Variants in PKP4 observed in about 807,000 individuals in gnomAD.
PKP4 encodes plakophilin 4.
PKP4 carries 90 observed loss-of-function variants against 145.1 expected under a neutral mutation model. The ratio of observed to expected loss-of-function variants is 0.62; its 90% CI spans 0.52 to 0.74. The LOEUF (loss-of-function observed/expected upper bound fraction) is 0.74, where lower values mean the gene tolerates loss of function less well. Ranked by LOEUF, PKP4 falls within the 30% of genes least tolerant of loss-of-function variation. The pLI, the probability that PKP4 is intolerant of heterozygous loss-of-function variation, is 0.00. For missense variants in PKP4, 1,340 were observed against 1,482.7 expected (o/e 0.90, Z 1.58); for synonymous variants, 563 against 577.2 (o/e 0.98, Z 0.35).
intron 20 of PKP4, among the ~76,000 whole-genome samples, chr2:158,677,705 CTGT>C (rs2058128276): frequency 6.6e-6 from 1 of 152,084 alleles, no homozygotes; most frequent in African/African-American, 2.4e-5. Context: ...TACTAATCGA[CTGT>C]TGTTACTATG....
Position 158,533,866 on chromosome 2 carries a change from A to G in PKP4, c.132+550A>G, listed in dbSNP as rs143885577. 4.1e-4 allele frequency among the ~76,000 whole-genome samples: 63 copies of G among 152,050 alleles called. No individual in the cohort carries two copies. The East Asian group carries it at 0.012, about 28-fold the overall frequency. ...ATGTTGATTTTTTTAAGGCATTAATACTCTTTATCCTTCAAACTCAAGTAA... is the reference window on the plus strand; with the variant it reads ...ATGTTGATTTTTTTAAGGCATTAATGCTCTTTATCCTTCAAACTCAAGTAA... On this transcript the variant is annotated intron_variant, in intron 2 of 21. Transcript: ENST00000389759.
intron 4 of PKP4, among the ~76,000 whole-genome samples, chr2:158,619,568 A>G (rs1006056462): frequency 2.0e-5 from 3 of 152,248 alleles, no homozygotes; most frequent in Non-Finnish European, 4.4e-5. Flanking sequence ...AAAGCAGCTT[A>G]ATCAGCAGTC....
chr2:158,655,197 T>C (rs1036972624), intron 11 of PKP4, among the ~76,000 whole-genome samples: 1 of 152,252 alleles, frequency 6.6e-6, no homozygotes, highest in Non-Finnish European at 1.5e-5. Flanking sequence ...ATGTTTATGC[T>C]ATGTCCAATC....
chr2:158,598,305 A>C (rs1398799793), intron 3 of PKP4, among the ~76,000 whole-genome samples: 1 of 152,136 alleles, frequency 6.6e-6, no homozygotes, highest in African/African-American at 2.4e-5. Context: ...TACCTGAAAG[A>C]AGGTGAGGGA....
At chr2:158,543,773 T>C (rs190496775) in intron 2 of PKP4, among the ~76,000 whole-genome samples, 66 of 152,236 alleles carry the variant, frequency 4.3e-4, no homozygotes, top group Admixed American at 2.7e-3. Flanking sequence ...CATTAAAAGG[T>C]CGTAACTCCC....
intron 1 of PKP4, among the ~76,000 whole-genome samples, chr2:158,522,714 A>T (rs1177951009): frequency 6.6e-6 from 1 of 152,198 alleles, no homozygotes; most frequent in African/African-American, 2.4e-5. Context: ...TTTCCATCTG[A>T]GGTACCGGGT....
At chr2:158,474,362 A>C (rs1251002906) in intron 1 of PKP4, among the ~76,000 whole-genome samples, 1 of 152,202 alleles carries the variant, frequency 6.6e-6, no homozygotes, top group Admixed American at 6.5e-5. Context: ...TATAATACCA[A>C]AGCTATTAGA....
intron 3 of PKP4, among the ~76,000 whole-genome samples, chr2:158,600,233 G>A (rs145574563): frequency 7.9e-5 from 12 of 152,288 alleles, no homozygotes; most frequent in East Asian, 7.7e-4. Context: ...AGTTATTAAC[G>A]TATTAAATTA....
rs867372029 is a variant in PKP4, at chr2:158,656,922, G to A, written c.1910-1209G>A. On this transcript the variant is annotated intron_variant, in intron 11 of 21. Transcript: ENST00000389759. ...GGTGTCCAGGCTGGCTTCTTGGGCCGTGACAGCTGGAGCAGCAGTGCTCAG... is the reference window on the plus strand; with the variant it reads ...GGTGTCCAGGCTGGCTTCTTGGGCCATGACAGCTGGAGCAGCAGTGCTCAG... Among the ~76,000 whole-genome samples, 13 of 152,166 alleles carry A rather than the reference G, an allele frequency of 8.5e-5. No individual in the cohort carries two copies. The East Asian group carries it at 1.5e-3, about 18-fold the overall frequency.
At chr2:158,643,712 C>CAAAAAAAAAAAAAAA (rs762303684) in intron 11 of PKP4, among the ~76,000 whole-genome samples, 1 of 69,774 alleles carries the variant, frequency 1.4e-5, no homozygotes, top group Admixed American at 1.8e-4. Context: ...GGCCCTGTTT[C>CAAAAAAAAAAAAAAA]AAAAAAAAAA....
At chr2:158,548,226 T>C (rs2045262020) in intron 2 of PKP4, among the ~76,000 whole-genome samples, 1 of 152,192 alleles carries the variant, frequency 6.6e-6, no homozygotes, top group Admixed American at 6.5e-5. Context: ...GGAAATAACA[T>C]CTTATGCTTC....
chr2:158,473,751 C>T (rs1435106476), intron 1 of PKP4, among the ~76,000 whole-genome samples: 1 of 152,076 alleles, frequency 6.6e-6, no homozygotes, highest in South Asian at 2.1e-4. Flanking sequence ...CATACCCCAG[C>T]GATATAAGTT....
intron 1 of PKP4, among the ~76,000 whole-genome samples, chr2:158,499,544 C>G (rs1326461925): frequency 1.3e-5 from 2 of 152,162 alleles, no homozygotes; most frequent in African/African-American, 2.4e-5. Context: ...TAGCAGAGAT[C>G]AGAGTACTGA....
intron 9 of PKP4, among the ~76,000 whole-genome samples, chr2:158,635,160 C>A (rs1182980049): frequency 1.3e-5 from 2 of 152,100 alleles, no homozygotes; most frequent in East Asian, 3.8e-4. Context: ...TAGCAGCCTA[C>A]CAACTTGTTT....
At chr2:158,644,009 G>A (rs112759318) in intron 11 of PKP4, among the ~76,000 whole-genome samples, 1 of 151,978 alleles carries the variant, frequency 6.6e-6, no homozygotes, top group East Asian at 1.9e-4. Flanking sequence ...CAGGTGATCC[G>A]CCCGCCTCAG....
At chr2:158,653,816 C>T (rs939720828) in intron 11 of PKP4, among the ~76,000 whole-genome samples, 45 of 152,178 alleles carry the variant, frequency 3.0e-4, no homozygotes, top group Admixed American at 6.5e-5. Context: ...GCTAATCCTA[C>T]AGCTCTTCAT....
Position 158,678,723 on chromosome 2 carries a change from T to A in PKP4, c.3330+69T>A. 3 of 1,008,012 alleles carry A rather than the reference T, an allele frequency of 3.0e-6. No individual in the cohort carries two copies. The Admixed American group carries it at 5.1e-5, about 17-fold the overall frequency. The allele number at this position is 1,008,012 out of a possible 1,614,324, so 62.4% of individuals were successfully genotyped here. ...AACACAGTAAGGGGTCCACGTCGATTGACTTCCCAGAGCTGGGCCAACATG... is the reference window on the plus strand; with the variant it reads ...AACACAGTAAGGGGTCCACGTCGATAGACTTCCCAGAGCTGGGCCAACATG... On this transcript the variant is annotated intron_variant, in intron 21 of 21. Coordinates refer to ENST00000389759, the MANE Select transcript of PKP4 (RefSeq NM_003628.6).
chr2:158,645,978 G>C (rs896510946), intron 11 of PKP4, among the ~76,000 whole-genome samples: 1 of 152,192 alleles, frequency 6.6e-6, no homozygotes, highest in African/African-American at 2.4e-5. Context: ...TGCTAATTTA[G>C]ATGATTTCCT....
In PKP4 at chr2:158,621,279, A is replaced by G; in HGVS notation, c.461A>G (p.Asp154Gly). The G allele has an allele frequency of 6.2e-7, 1 of 1,614,228 alleles. No individual in the cohort carries two copies. The highest frequency in any genetic ancestry group is 8.5e-7 in the Non-Finnish European group (1 of 1,180,024). The change falls in exon 6 of 22, where the codon GAC (aspartate) becomes GGC (glycine). Residue 154 changes from aspartate to glycine, a missense_variant. Transcript: ENST00000389759. ...RSSTQMNSYS[D>G]SGYQEAGSFH... Reference sequence around the variant, plus strand: ...TCAACACAAATGAATTCTTATTCCGACAGTGGATACCAGGAAGCAGGGAGT... The same window carrying G: ...TCAACACAAATGAATTCTTATTCCGGCAGTGGATACCAGGAAGCAGGGAGT...
Sources: gnomAD v4.1 joint callset for allele counts (sites outside exome capture counted in the v4.1 genomes callset) on GRCh38, gnomAD v4.1.1 for gene constraint, MANE v1.5 for transcripts, NCBI Gene and HGNC (gene_info 2026-07-23, HGNC 2026-07-21) for gene names.